The following MED27 variants were observed in gnomAD, a reference collection of about 807,000 sequenced individuals.
MED27 encodes mediator complex subunit 27.
MED27 carries 30 observed loss-of-function variants against 38.2 expected under a neutral mutation model. The ratio of observed to expected loss-of-function variants is 0.79; its 90% CI spans 0.59 to 1.07. The LOEUF is 1.07. Ranked by LOEUF, MED27 falls within the 50% of genes least tolerant of loss-of-function variation. The pLI is 0.00. For missense variants in MED27, 289 were observed against 397.5 expected (o/e 0.73, Z 2.32); for synonymous variants, 122 against 153.5 (o/e 0.79, Z 1.52).
chr9:131,878,572 C>A (rs1838978719), intron 6 of MED27, among the ~76,000 whole-genome samples: 1 of 152,188 alleles, frequency 6.6e-6, no homozygotes, highest in East Asian at 1.9e-4. Flanking sequence ...CTCTTGATGT[C>A]CCCTGCCTAA....
rs1832110825 is a variant in MED27 at position 131,997,248 on chromosome 9, A to C, written c.479+17089T>G. 2.0e-5 allele frequency among the ~76,000 whole-genome samples: 3 copies of C among 152,168 alleles called. No homozygotes were observed. The highest frequency in any genetic ancestry group is 6.5e-5 in the Admixed American group (1 of 15,270). ...CTAGTAATAGTATCACAGCTGATGA[A>C]GATCAGGGTAGACAAGGAGATGCAA... is the stretch of plus-strand genomic sequence containing the variant. On this transcript the variant is annotated intron_variant, in intron 3 of 7. Coordinates refer to ENST00000292035, the MANE Select transcript of MED27 (RefSeq NM_004269.4). This position sits in a 1 kb window ranked among gnomAD's most constrained non-coding sequence, Gnocchi z 4.0.
At chr9:131,908,181 C>T (rs1476956430) in intron 4 of MED27, among the ~76,000 whole-genome samples, 7 of 32,786 alleles carry the variant, frequency 2.1e-4, no homozygotes, top group Non-Finnish European at 2.5e-4. Context: ...TGAGGGGCGC[C>T]TCTGCCCGGC....
At chr9:132,035,216 T>C (rs978668364) in intron 2 of MED27, among the ~76,000 whole-genome samples, 3 of 152,180 alleles carry the variant, frequency 2.0e-5, no homozygotes, top group Non-Finnish European at 2.9e-5. Context: ...ATGAGCCCAA[T>C]ACCTGCAGGT....
chr9:132,001,473 T>G (rs1462339901), intron 3 of MED27, among the ~76,000 whole-genome samples: 1 of 152,240 alleles, frequency 6.6e-6, no homozygotes. Context: ...CAATGCATTA[T>G]GCTTAGTCAT....
At chr9:132,048,292 C>T (rs1242857946) in intron 2 of MED27, among the ~76,000 whole-genome samples, 1 of 152,112 alleles carries the variant, frequency 6.6e-6, no homozygotes, top group Non-Finnish European at 1.5e-5. Context: ...AAAAATGTTT[C>T]TTGAATGCAG....
At chr9:132,042,311 C>T (rs897570027) in intron 2 of MED27, among the ~76,000 whole-genome samples, 3 of 152,170 alleles carry the variant, frequency 2.0e-5, no homozygotes, top group Admixed American at 2.0e-4. Flanking sequence ...CTCATGGACA[C>T]CCTATTTATA....
chr9:132,008,877 A>G (rs1292500258), intron 3 of MED27, among the ~76,000 whole-genome samples: 1 of 152,210 alleles, frequency 6.6e-6, no homozygotes, highest in Non-Finnish European at 1.5e-5. Flanking sequence ...TCCACCGTTT[A>G]AAAACAAAAC....
At chr9:131,965,874 C>T (rs954455818) in intron 3 of MED27, among the ~76,000 whole-genome samples, 3 of 151,966 alleles carry the variant, frequency 2.0e-5, no homozygotes, top group African/African-American at 4.8e-5. Flanking sequence ...CACCACCACC[C>T]GCTGGGAATT....
At chr9:131,871,889 T>G (rs961134342) in intron 6 of MED27, among the ~76,000 whole-genome samples, 3 of 152,158 alleles carry the variant, frequency 2.0e-5, no homozygotes, top group Non-Finnish European at 2.9e-5. Context: ...CTTGGGGTAT[T>G]TGATTTGATT....
chr9:131,931,969 C>T (rs949410873), intron 4 of MED27, among the ~76,000 whole-genome samples: 26 of 152,066 alleles, frequency 1.7e-4, no homozygotes, highest in Non-Finnish European at 3.4e-4. Context: ...AAACATCAGA[C>T]GTAACCTGGA....
rs892831030 is a variant in MED27 at position 131,871,523 on chromosome 9, A to G, written c.724-8383T>C. Among the ~76,000 whole-genome samples the G allele has an allele frequency of 5.3e-5, 8 of 152,218 alleles. No individual in the cohort carries two copies. In the South Asian group the frequency reaches 1.0e-3, roughly 20 times the overall value. ...GCAATGCCAGTCACCAGCCTGGTAC[A>G]GGAACAACGGCACCATTCACAGCAA... On this transcript the variant is annotated intron_variant, in intron 6 of 7. Coordinates refer to ENST00000292035, the MANE Select transcript of MED27 (RefSeq NM_004269.4).
intron 4 of MED27, among the ~76,000 whole-genome samples, chr9:131,900,731 A>C (rs1162196245): frequency 1.3e-5 from 2 of 152,100 alleles, no homozygotes; most frequent in Admixed American, 6.5e-5. Context: ...AAATGGTGGC[A>C]TGTCTAAGCC....
At position 132,073,851 on chromosome 9, in the gene MED27, C is replaced by T. The variant is rs184178031; in HGVS notation, c.348+3591G>A. The T allele has an allele frequency of 8.5e-5, 115 of 1,348,336 alleles. No individual in the cohort carries two copies. The African/African-American group carries it at 1.6e-3, about 19-fold the overall frequency. The allele number at this position is 1,348,336 out of a possible 1,614,324, so 83.5% of individuals were successfully genotyped here. A position where few individuals can be genotyped will look rare whatever the true frequency, so the allele number is the denominator to read the frequency against. ...AAAAGTGACACTTCTGGGGTCTTTG[C>T]AGCTTCAGATGTTGCCAGGGAAAGG... On this transcript the variant is annotated intron_variant, in intron 2 of 7. Transcript: ENST00000292035.
intron 1 of MED27, 84 bp from the exon 2 acceptor site, chr9:132,077,670 C>A: frequency 1.4e-6 from 2 of 1,390,210 alleles, no homozygotes; most frequent in Non-Finnish European, 2.0e-6. Flanking sequence ...AAAGACTGCT[C>A]TTCAAACCAT....
chr9:132,011,593 G>A (rs1044695494), intron 3 of MED27, among the ~76,000 whole-genome samples: 8 of 152,108 alleles, frequency 5.3e-5, no homozygotes, highest in African/African-American at 1.9e-4. Flanking sequence ...TTTGAGCTCA[G>A]GAGTTTGAGG....
chr9:132,034,000 G>A (rs554023801), intron 2 of MED27, among the ~76,000 whole-genome samples: 61 of 152,312 alleles, frequency 4.0e-4, no homozygotes, highest in African/African-American at 1.3e-3. Context: ...CGAGGCATGT[G>A]TGATCAGTAC....
chr9:132,050,539 G>T (rs950383882), intron 2 of MED27, among the ~76,000 whole-genome samples: 2 of 152,218 alleles, frequency 1.3e-5, no homozygotes, highest in Non-Finnish European at 2.9e-5. Flanking sequence ...TGTTCACAGG[G>T]AAAAGAAGAG....
chr9:132,026,058 C>T (rs779651104), intron 2 of MED27, among the ~76,000 whole-genome samples: 16 of 152,156 alleles, frequency 1.1e-4, no homozygotes, highest in Non-Finnish European at 1.8e-4. Context: ...CTCCAATGTG[C>T]ATGTTCCCTA....
intron 4 of MED27, among the ~76,000 whole-genome samples, chr9:131,911,257 A>G (rs1830181832): frequency 6.6e-6 from 1 of 152,238 alleles, no homozygotes; most frequent in Non-Finnish European, 1.5e-5. Flanking sequence ...TAAATGGGAA[A>G]ACAGTACCAC....
Sources: allele counts gnomAD v4.1 joint callset (sites outside exome capture counted in the v4.1 genomes callset), GRCh38; gene constraint gnomAD v4.1.1; non-coding constraint Gnocchi (gnomAD v3.1); transcripts MANE v1.5; gene names NCBI Gene and HGNC (gene_info 2026-07-23, HGNC 2026-07-21).